CDH10: variants seen among roughly 807,000 people sequenced by gnomAD.
CDH10 encodes the protein cadherin-10.
Under a neutral mutation model 73.1 loss-of-function variants are expected in CDH10, and 30 were observed. That is an observed-to-expected ratio of 0.41 (90% CI 0.31 to 0.56). CDH10 has a LOEUF of 0.56. CDH10 is among the 20% of genes least tolerant of loss of function. The probability of loss-of-function intolerance (pLI) is 0.27; values close to 1 mark genes in which losing one functional copy is unlikely to be tolerated. For synonymous variants in CDH10, 345 were observed against 348.2 expected (o/e 0.99, Z 0.10); for missense variants, 815 against 973.7 (o/e 0.84, Z 2.17).
intron 2 of CDH10, among the ~76,000 whole-genome samples, chr5:24,581,150 C>T (rs774509325): frequency 5.9e-5 from 9 of 152,114 alleles, no homozygotes; most frequent in Admixed American, 1.3e-4. Flanking sequence ...CTGGGCACCC[C>T]CCGACCCATT....
At position 24,607,402 on chromosome 5, in the gene CDH10, G is replaced by C. The variant is rs78483948; in HGVS notation, c.-123-13789C>G. On this transcript the variant is annotated intron_variant, in intron 1 of 11. Transcript: ENST00000264463. ...GCACACTTTAGGGAAACCAACGAGG[G>C]AAATGAACTTAACAGAGTCGCATTA... Among the ~76,000 whole-genome samples, 1,491 of 152,196 alleles carry C rather than the reference G, an allele frequency of 9.8e-3. 25 individuals are homozygous for C. The highest frequency in any genetic ancestry group is 0.034 in the African/African-American group (1,420 of 41,516).
intron 7 of CDH10, among the ~76,000 whole-genome samples, chr5:24,506,267 G>A (rs904101965): frequency 6.6e-6 from 1 of 152,124 alleles, no homozygotes; most frequent in Non-Finnish European, 1.5e-5. Flanking sequence ...AGCATGGTAC[G>A]CTGGGCATGA....
intron 5 of CDH10, among the ~76,000 whole-genome samples, chr5:24,520,828 G>T (rs1054980198): frequency 6.6e-6 from 1 of 152,064 alleles, no homozygotes. Context: ...CCAGGTTCAA[G>T]CAATTCTCCC....
intron 10 of CDH10, among the ~76,000 whole-genome samples, chr5:24,492,210 G>T (rs113228452): frequency 6.6e-6 from 1 of 152,170 alleles, no homozygotes; most frequent in Non-Finnish European, 1.5e-5. Context: ...GCATCTGTGC[G>T]TGTGTGCTTA....
chr5:24,632,429 G>GA (rs1479464499), intron 1 of CDH10, among the ~76,000 whole-genome samples: 3 of 151,888 alleles, frequency 2.0e-5, no homozygotes, highest in African/African-American at 7.2e-5. Flanking sequence ...GCACTGCTGA[G>GA]AAAAAAACTC....
chr5:24,580,689 G>A (rs1404346166), intron 2 of CDH10, among the ~76,000 whole-genome samples: 4 of 152,130 alleles, frequency 2.6e-5, no homozygotes, highest in Non-Finnish European at 5.9e-5. Flanking sequence ...CCTATTGTAA[G>A]AAATAACCAC....
intron 1 of CDH10, among the ~76,000 whole-genome samples, chr5:24,627,465 C>T (rs1747549708): frequency 6.6e-6 from 1 of 151,700 alleles, no homozygotes; most frequent in Non-Finnish European, 1.5e-5. Context: ...ATATTTTTTC[C>T]TCTCAGGAAT....
At chr5:24,507,189 A>T (rs1742728005) in intron 7 of CDH10, among the ~76,000 whole-genome samples, 1 of 152,010 alleles carries the variant, frequency 6.6e-6, no homozygotes, top group Admixed American at 6.6e-5. Context: ...TAGTAAGGCT[A>T]TTATATTTTT....
At chr5:24,546,181 T>TTGTG (rs139727777) in intron 2 of CDH10, among the ~76,000 whole-genome samples, 4,341 of 149,688 alleles carry the variant, frequency 0.029, 188 homozygotes, top group African/African-American at 0.098. Flanking sequence ...TTGAAAAAAC[T>TTGTG]TGTGTGTGTG....
At position 24,609,479 on chromosome 5, in the gene CDH10, A is replaced by G. The variant is rs562828385; in HGVS notation, c.-123-15866T>C. 1.3e-4 allele frequency among the ~76,000 whole-genome samples: 20 copies of G among 152,258 alleles called. No individual in the cohort carries two copies. The South Asian group carries it at 4.2e-3, about 32-fold the overall frequency. ...AGTAACAGAACACAATTTGGAAGGG[A>G]GGGAGGAAAAGACAAGAAACCTTGG... On this transcript the variant is annotated intron_variant, in intron 1 of 11. Transcript: ENST00000264463.
intron 2 of CDH10, among the ~76,000 whole-genome samples, chr5:24,569,715 T>C (rs1398971187): frequency 6.6e-6 from 1 of 151,932 alleles, no homozygotes; most frequent in Non-Finnish European, 1.5e-5. Flanking sequence ...TTTTTCCTTA[T>C]TGGGGAGATT....
intron 1 of CDH10, among the ~76,000 whole-genome samples, chr5:24,623,661 G>A (rs557592290): frequency 6.6e-6 from 1 of 152,278 alleles, no homozygotes; most frequent in South Asian, 2.1e-4. Flanking sequence ...AAATATTTAT[G>A]AATTGAAGCA....
intron 1 of CDH10, among the ~76,000 whole-genome samples, chr5:24,629,000 GC>G (rs1386419089): frequency 6.6e-6 from 1 of 151,924 alleles, no homozygotes; most frequent in Non-Finnish European, 1.5e-5. Context: ...GTACTTCCAT[GC>G]ATTATTTTAT....
At chr5:24,539,221 TAA>T (rs1287559582) in intron 2 of CDH10, among the ~76,000 whole-genome samples, 2 of 151,980 alleles carry the variant, frequency 1.3e-5, no homozygotes, top group African/African-American at 2.4e-5. Flanking sequence ...TTTACCTAAA[TAA>T]GTTTCATTTT....
At chr5:24,606,199 A>G (rs1746755052) in intron 1 of CDH10, among the ~76,000 whole-genome samples, 1 of 152,180 alleles carries the variant, frequency 6.6e-6, no homozygotes, top group South Asian at 2.1e-4. Context: ...GAATTTTACT[A>G]TCTGTAAATT....
At chr5:24,514,780 C>A (rs573958173) in intron 5 of CDH10, among the ~76,000 whole-genome samples, 1 of 151,812 alleles carries the variant, frequency 6.6e-6, no homozygotes, top group Non-Finnish European at 1.5e-5. Flanking sequence ...GGAAATGCAG[C>A]CACAATATTT....
intron 11 of CDH10, among the ~76,000 whole-genome samples, chr5:24,489,819 G>A (rs1319311704): frequency 1.3e-5 from 2 of 151,994 alleles, no homozygotes; most frequent in Admixed American, 6.6e-5. Context: ...ATTTTAATAC[G>A]ATTTTAGTGA....
intron 5 of CDH10, among the ~76,000 whole-genome samples, chr5:24,521,379 T>C (rs1164896344): frequency 6.6e-6 from 1 of 152,136 alleles, no homozygotes; most frequent in Non-Finnish European, 1.5e-5. Flanking sequence ...ACTCTGTCTT[T>C]ACTAAAAATG....
At chr5:24,634,465 GATGA>G (rs1386347342) in intron 1 of CDH10, among the ~76,000 whole-genome samples, 3 of 151,632 alleles carry the variant, frequency 2.0e-5, no homozygotes, top group Admixed American at 2.0e-4. Context: ...TAGCCATCCT[GATGA>G]ATAAGCCATG....
Sources: gnomAD v4.1 joint callset for allele counts (sites outside exome capture counted in the v4.1 genomes callset) on GRCh38, gnomAD v4.1.1 for gene constraint, MANE v1.5 for transcripts, NCBI Gene and HGNC (gene_info 2026-07-23, HGNC 2026-07-21) for gene names.